The following ARHGAP20 variants were observed in gnomAD, a reference collection of about 807,000 sequenced individuals.
ARHGAP20 encodes Rho GTPase activating protein 20.
In ARHGAP20, 34 loss-of-function variants were observed where a neutral mutation model predicts 73.7. The observed-to-expected ratio is 0.46, with a 90% CI of 0.35 to 0.61. The LOEUF is 0.61. Ranked by LOEUF, ARHGAP20 falls within the 20% of genes least tolerant of loss-of-function variation. ARHGAP20 has a pLI of 0.00. For missense variants in ARHGAP20, 1,314 were observed against 1,420.9 expected, an observed-to-expected ratio of 0.92 and a Z score of 1.21; for synonymous variants, 523 against 518.2, an observed-to-expected ratio of 1.01 and a Z score of -0.13.
At chr11:110,688,222 C>T (rs1565478375) in intron 2 of ARHGAP20, among the ~76,000 whole-genome samples, 1 of 152,110 alleles carries the variant, frequency 6.6e-6, no homozygotes, top group East Asian at 1.9e-4. Context: ...ACTGACCAAA[C>T]ATAAATGTTC....
At chr11:110,670,341 TA>T (rs1241057900) in intron 2 of ARHGAP20, among the ~76,000 whole-genome samples, 4 of 151,918 alleles carry the variant, frequency 2.6e-5, no homozygotes, top group Admixed American at 6.6e-5. Flanking sequence ...TAGACAGATC[TA>T]GGGGGAAAAA....
intron 1 of ARHGAP20, among the ~76,000 whole-genome samples, chr11:110,700,415 T>A (rs1289391127): frequency 6.6e-6 from 1 of 151,994 alleles, no homozygotes; most frequent in Admixed American, 6.6e-5. Context: ...GACTATTAAT[T>A]CTTTTGTGGC....
chr11:110,590,727 T>C lies in ARHGAP20; in HGVS notation c.1226A>G (p.Glu409Gly). 1 of 1,614,158 alleles carries C rather than the reference T, an allele frequency of 6.2e-7. No homozygotes were observed. Among genetic ancestry groups the C allele is most frequent in the Non-Finnish European group, 8.5e-7 (1 of 1,180,018 alleles). ...TCCAGAATTCAATTTCTCTTTTAGT[T>C]CTCTGCAGGATTTCACATTGGCTGA... ...RQSANVKSCR[E>G]LKEKLNSGVE... The change falls in exon 11 of 15, where the codon GAA (glutamate) becomes GGA (glycine). Residue 409 changes from glutamate to glycine, a missense_variant. Physicochemically the swap from Glu to Gly is moderately conservative, Grantham distance 98. Around this residue, in one of 3 missense-constraint regions of ARHGAP20, gnomAD observed 230 missense variants for 317.6 expected, o/e 0.72. Transcript: ENST00000683387.
At chr11:110,598,789 G>T (rs1402410587) in intron 9 of ARHGAP20, among the ~76,000 whole-genome samples, 1 of 152,102 alleles carries the variant, frequency 6.6e-6, no homozygotes, top group African/African-American at 2.4e-5. Flanking sequence ...TGCCCCTTCT[G>T]AGTTGGGGTG....
chr11:110,606,472 A>T lies in ARHGAP20; in HGVS notation c.964+89T>A. The T allele has an allele frequency of 2.9e-6, 4 of 1,364,304 alleles. No individual in the cohort carries two copies. In the South Asian group the frequency reaches 5.5e-5, roughly 19 times the overall value. 84.5% of individuals were successfully genotyped at this position (1,364,304 alleles called of 1,614,324 possible). A position where few individuals can be genotyped will look rare whatever the true frequency, so the allele number is the denominator to read the frequency against. On this transcript the variant is annotated intron_variant, in intron 9 of 14. Coordinates refer to ENST00000683387, the MANE Select transcript of ARHGAP20 (RefSeq NM_001384657.1). ...CAAAATACTTAGCAAATTCCAAGAA[A>T]AAATACCTCATCTGGCGGGAGGTTT... is the stretch of plus-strand genomic sequence containing the variant.
intron 2 of ARHGAP20, among the ~76,000 whole-genome samples, chr11:110,666,271 T>C (rs1808167161): frequency 6.6e-6 from 1 of 152,178 alleles, no homozygotes; most frequent in South Asian, 2.1e-4. Flanking sequence ...ATTGCTAAAA[T>C]GTTGATTTTA....
At chr11:110,682,698 G>T (rs984106140) in intron 2 of ARHGAP20, among the ~76,000 whole-genome samples, 2 of 152,092 alleles carry the variant, frequency 1.3e-5, no homozygotes, top group African/African-American at 4.8e-5. Context: ...CAGAAGGCTT[G>T]AGTCTTAAAA....
At chr11:110,585,113 ATATATATGAATATATGTGAATG>A (rs1392525776) in intron 12 of ARHGAP20, among the ~76,000 whole-genome samples, 3 of 150,002 alleles carry the variant, frequency 2.0e-5, no homozygotes, top group Admixed American at 6.7e-5. Flanking sequence ...ATATATGTGA[ATATATATGAATATATGTGAATG>A]TATATATGAA....
In ARHGAP20 at chr11:110,626,281, C is replaced by T. The variant is rs114065034; in HGVS notation, c.354-1970G>A. ...TGCAGATATCATGTGGGAACATCCA[C>T]ATCCGTTGACCTGGAAAAAAAGTCA... On this transcript the variant is annotated intron_variant, in intron 3 of 14. Coordinates refer to ENST00000683387, the MANE Select transcript of ARHGAP20 (RefSeq NM_001384657.1). Among the ~76,000 whole-genome samples, 1,339 of 152,284 alleles carry T rather than the reference C, an allele frequency of 8.8e-3. 26 individuals are homozygous for T. The highest frequency in any genetic ancestry group is 0.03 in the African/African-American group (1,248 of 41,554).
intron 4 of ARHGAP20, among the ~76,000 whole-genome samples, chr11:110,621,923 T>C (rs1398342279): frequency 1.3e-5 from 2 of 152,258 alleles, no homozygotes; most frequent in Non-Finnish European, 2.9e-5. Context: ...AGCTACAAAC[T>C]CTATTTCATC....
At chr11:110,701,589 A>G (rs1227546513) in intron 1 of ARHGAP20, among the ~76,000 whole-genome samples, 3 of 151,650 alleles carry the variant, frequency 2.0e-5, no homozygotes, top group Non-Finnish European at 4.4e-5. Context: ...TAGTTTAATT[A>G]AATCCCATTT....
intron 2 of ARHGAP20, among the ~76,000 whole-genome samples, chr11:110,664,924 T>G (rs566920562): frequency 2.0e-5 from 3 of 152,214 alleles, no homozygotes; most frequent in African/African-American, 7.2e-5. Flanking sequence ...TCAATATTGT[T>G]AAGATATCAA....
chr11:110,629,575 T>C (rs532531223), intron 3 of ARHGAP20, among the ~76,000 whole-genome samples: 1 of 152,200 alleles, frequency 6.6e-6, no homozygotes, highest in Non-Finnish European at 1.5e-5. Flanking sequence ...CAAAACTATA[T>C]CTGTAGGCAT....
intron 9 of ARHGAP20, among the ~76,000 whole-genome samples, chr11:110,603,475 A>C (rs1948154479): frequency 6.6e-6 from 1 of 152,242 alleles, no homozygotes; most frequent in Non-Finnish European, 1.5e-5. Context: ...ATGAATGTTT[A>C]ATTACAAGTA....
At position 110,712,356 on chromosome 11, in the gene ARHGAP20, A is replaced by G; in HGVS notation, c.-125T>C. ...GCTGCCGTGCTCAGGCAGGGAGCCG[A>G]GCTCCGGGTGCTCGCCGCGCGCCTC... On this transcript the variant is annotated 5_prime_UTR_variant, in exon 1 of 15. Coordinates refer to ENST00000683387, the MANE Select transcript of ARHGAP20 (RefSeq NM_001384657.1). 2.8e-6 allele frequency: 2 copies of G among 722,420 alleles called. No individual in the cohort carries two copies. Among genetic ancestry groups the G allele is most frequent in the Non-Finnish European group, 1.9e-6 (1 of 518,230 alleles). 44.8% of individuals were successfully genotyped at this position (722,420 alleles called of 1,614,324 possible).
At chr11:110,583,805 T>C (rs1947540362) in intron 12 of ARHGAP20, 68 bp from the exon 13 acceptor site, 1 of 1,271,656 alleles carries the variant, frequency 7.9e-7, no homozygotes. Context: ...CAAGCAACTC[T>C]CACTTTGAAT....
chr11:110,620,327 T>A (rs1948601954), intron 4 of ARHGAP20, among the ~76,000 whole-genome samples: 1 of 152,120 alleles, frequency 6.6e-6, no homozygotes, highest in Admixed American at 6.6e-5. Flanking sequence ...TATTTTGACT[T>A]TTTTGTAGAG....
chr11:110,579,538 G>A lies in ARHGAP20; in HGVS notation c.3408C>T (p.Cys1136=), dbSNP rs1947378720. Residue 1136 remains cysteine, a synonymous_variant, in exon 15 of 15, where the codon TGC becomes TGT. Transcript: ENST00000683387. Reference sequence around the variant, plus strand: ...GCTCTATTTCCTCATGTGACTTCATGCACAGCTTAAGTCTGCTCTCCACCA... The same window carrying A: ...GCTCTATTTCCTCATGTGACTTCATACACAGCTTAAGTCTGCTCTCCACCA... ...FSLVESRLKL[C]MKSHEEIEPG... is the part of the protein sequence containing the mutation. The A allele has an allele frequency of 6.2e-7, 1 of 1,613,996 alleles. No homozygotes were observed. The highest frequency in any genetic ancestry group is 1.3e-5 in the African/African-American group (1 of 74,912).
At chr11:110,583,122 G>C (rs1447379468) in intron 13 of ARHGAP20, among the ~76,000 whole-genome samples, 1 of 152,200 alleles carries the variant, frequency 6.6e-6, no homozygotes, top group Non-Finnish European at 1.5e-5. Flanking sequence ...GACTACAGGA[G>C]TGTGATTTCA....
Sources: allele counts gnomAD v4.1 joint callset (sites outside exome capture counted in the v4.1 genomes callset), GRCh38; gene constraint gnomAD v4.1.1; regional missense constraint gnomAD v4.1.1; transcripts MANE v1.5; gene names NCBI Gene and HGNC (gene_info 2026-07-23, HGNC 2026-07-21).